PAX3: variants seen among roughly 807,000 people sequenced by gnomAD.
The protein encoded by PAX3 is paired box protein Pax-3.
A neutral mutation model predicts 51.6 loss-of-function variants in PAX3; 14 were observed. The observed-to-expected ratio is 0.27, with a 90% confidence interval of 0.18 to 0.42. The LOEUF (loss-of-function observed/expected upper bound fraction) is 0.42. PAX3 is among the 10% of genes least tolerant of loss of function. The pLI is 1.00. For missense variants in PAX3, 540 were observed against 642.8 expected, an observed-to-expected ratio of 0.84 and a Z score of 1.73; for synonymous variants, 280 against 253.4, an observed-to-expected ratio of 1.11 and a Z score of -1.00.
intron 5 of PAX3, among the ~76,000 whole-genome samples, chr2:222,222,124 A>G (rs1692218347): frequency 1.3e-5 from 2 of 152,180 alleles, no homozygotes; most frequent in South Asian, 4.1e-4. Flanking sequence ...ATATAATAAA[A>G]TGCCCTCAAA....
chr2:222,233,673 G>A (rs1377433127), intron 4 of PAX3, among the ~76,000 whole-genome samples: 1 of 152,114 alleles, frequency 6.6e-6, no homozygotes, highest in African/African-American at 2.4e-5. Flanking sequence ...CTGGGGTAGT[G>A]GGCAAAGATC....
chr2:222,278,601 T>C (rs1694516351), intron 4 of PAX3, among the ~76,000 whole-genome samples: 1 of 152,200 alleles, frequency 6.6e-6, no homozygotes, highest in Non-Finnish European at 1.5e-5. Context: ...GAAATCCACT[T>C]GTGGTGGAGG....
intron 4 of PAX3, among the ~76,000 whole-genome samples, chr2:222,273,403 C>T (rs1472285444): frequency 1.3e-5 from 2 of 152,146 alleles, no homozygotes; most frequent in African/African-American, 2.4e-5. Flanking sequence ...CACGAGGAAA[C>T]ATAAGTTCAT....
At chr2:222,281,871 CAG>C (rs1694659290) in intron 4 of PAX3, among the ~76,000 whole-genome samples, 1 of 152,130 alleles carries the variant, frequency 6.6e-6, no homozygotes, top group Non-Finnish European at 1.5e-5. Flanking sequence ...ATAGGCAAGT[CAG>C]AGAGAAGGCA....
chr2:222,277,666 T>G (rs1694470326), intron 4 of PAX3, among the ~76,000 whole-genome samples: 1 of 152,192 alleles, frequency 6.6e-6, no homozygotes, highest in Admixed American at 6.5e-5. Flanking sequence ...CCGGTCGCAG[T>G]GGCTCACACC....
chr2:222,219,345 G>A (rs1293600111), intron 7 of PAX3, among the ~76,000 whole-genome samples: 2 of 152,076 alleles, frequency 1.3e-5, no homozygotes, highest in African/African-American at 2.4e-5. Flanking sequence ...AATTTAGTGG[G>A]CAGCTATCCT....
intron 4 of PAX3, among the ~76,000 whole-genome samples, chr2:222,268,062 G>A (rs535846387): frequency 6.6e-6 from 1 of 152,272 alleles, no homozygotes; most frequent in South Asian, 2.1e-4. Flanking sequence ...CTGCATAACA[G>A]ATCCTTTAGA....
At chr2:222,201,695 T>C in intron 8 of PAX3, 2 of 1,448,746 alleles carry the variant, frequency 1.4e-6, no homozygotes, top group South Asian at 2.9e-5. Flanking sequence ...CCAACCCTTG[T>C]GTTTTACCTA....
At chr2:222,219,587 T>G (rs1692102748) in intron 7 of PAX3, among the ~76,000 whole-genome samples, 2 of 152,168 alleles carry the variant, frequency 1.3e-5, no homozygotes, top group South Asian at 4.1e-4. Context: ...AGAGCAGTAA[T>G]TCCCCTAATT....
rs368725878 is a variant in PAX3, at chr2:222,201,817, C to CAA, written c.1420+125_1420+126dup. The stretch of plus-strand genomic sequence containing the variant: ...CTGCTGGAACAGTCAGCTGGCTTTG[C>CAA]AAAAAAAAAAAAAAATTGATACCGG... On this transcript the variant is annotated intron_variant, in intron 8 of 8. Transcript: ENST00000392070. 6.4e-3 allele frequency: 9,160 copies of CAA among 1,437,694 alleles called. 1 individual carries two copies. The highest frequency in any genetic ancestry group is 0.01 in the South Asian group (808 of 77,872). 89.1% of individuals were successfully genotyped at this position (1,437,694 alleles called of 1,614,324 possible). A position where few individuals can be genotyped will look rare whatever the true frequency, so the allele number is the denominator to read the frequency against.
intron 8 of PAX3, 195 bp downstream of exon 8, chr2:222,201,749 T>A (rs1402800416): frequency 1.4e-6 from 2 of 1,475,150 alleles, no homozygotes; most frequent in African/African-American, 1.4e-5. Flanking sequence ...AACCGCAAGA[T>A]GTTGTTGACA....
intron 4 of PAX3, chr2:222,264,532 A>C (rs940171171): frequency 5.3e-5 from 8 of 152,236 alleles, no homozygotes; most frequent in African/African-American, 1.9e-4. Flanking sequence ...TAAAACAGTT[A>C]ATTTTGTGTT....
chr2:222,298,240 G>T, intron 1 of PAX3: 1 of 459,814 alleles, frequency 2.2e-6, no homozygotes, highest in South Asian at 3.6e-5. Context: ...CTCAGAAGCC[G>T]GTTCACCTCC....
At chr2:222,213,816 C>T (rs571547021) in intron 7 of PAX3, among the ~76,000 whole-genome samples, 168 of 152,274 alleles carry the variant, frequency 1.1e-3, no homozygotes, top group African/African-American at 3.8e-3. Flanking sequence ...GTGTGTGAAA[C>T]GAATGCCTTA....
At chr2:222,286,189 C>T (rs1334635618) in intron 4 of PAX3, among the ~76,000 whole-genome samples, 1 of 152,214 alleles carries the variant, frequency 6.6e-6, no homozygotes, top group Non-Finnish European at 1.5e-5. Flanking sequence ...CCACCTCCCT[C>T]GGCCTCCCAA....
intron 7 of PAX3, among the ~76,000 whole-genome samples, chr2:222,202,708 A>C (rs907862023): frequency 1.1e-4 from 16 of 150,936 alleles, no homozygotes; most frequent in African/African-American, 3.4e-4. Context: ...TTTTTTAAAT[A>C]GTGTTCCCTC....
At chr2:222,201,709 G>A in intron 8 of PAX3, 2 of 1,454,846 alleles carry the variant, frequency 1.4e-6, no homozygotes, top group Non-Finnish European at 1.8e-6. Flanking sequence ...TTACCTAGTG[G>A]CAATCAGGTT....
intron 4 of PAX3, chr2:222,242,478 T>TC (rs1693053819): frequency 6.6e-6 from 1 of 152,166 alleles, no homozygotes; most frequent in Non-Finnish European, 1.5e-5. Context: ...GATACTGTCA[T>TC]CCCCATCTTA....
At chr2:222,269,458 G>GT (rs1694172835) in intron 4 of PAX3, among the ~76,000 whole-genome samples, 1 of 152,164 alleles carries the variant, frequency 6.6e-6, no homozygotes, top group Non-Finnish European at 1.5e-5. Context: ...AGATAAGCAC[G>GT]TTTTTATGCC....
Sources: gnomAD v4.1 joint callset for allele counts (sites outside exome capture counted in the v4.1 genomes callset) on GRCh38, gnomAD v4.1.1 for gene constraint, MANE v1.5 for transcripts, NCBI Gene and HGNC (gene_info 2026-07-23, HGNC 2026-07-21) for gene names.